The following OPA3 variants were observed in gnomAD, a reference collection of about 807,000 sequenced individuals.
OPA3 encodes outer mitochondrial membrane lipid metabolism regulator OPA3, also known as optic atrophy 3 protein.
A neutral mutation model predicts 4.0 loss-of-function variants in OPA3; 6 were observed. The ratio of observed to expected loss-of-function variants is 1.51; its 90% CI spans 0.83 to 2.99. OPA3 has a LOEUF of 2.99. OPA3 is among the 30% of genes most tolerant of loss of function. OPA3 has a pLI of 0.00. For synonymous variants in OPA3, 105 were observed against 117.1 expected (o/e 0.90, Z 0.67); for missense variants, 235 against 256.2 (o/e 0.92, Z 0.56).
intron 1 of OPA3, among the ~76,000 whole-genome samples, chr19:45,562,154 C>T (rs1599976135): frequency 6.6e-6 from 1 of 150,980 alleles, no homozygotes; most frequent in Non-Finnish European, 1.5e-5. Flanking sequence ...TCAAGACCAG[C>T]CTGGCCAACA....
rs1195485424 is a variant in OPA3, at chr19:45,548,824, G to A, written c.*4690C>T. On this transcript the variant is annotated 3_prime_UTR_variant, in exon 2 of 2. Transcript: ENST00000263275. ...TTATTTATTTATTTATTTATTTAGA[G>A]ATGAAGTCTCGCTCTGTCACCCAGG... The A allele has an allele frequency of 3.5e-5, 15 of 431,530 alleles. No homozygotes were observed. Among genetic ancestry groups the A allele is most frequent in the Non-Finnish European group, 4.2e-5 (15 of 360,196 alleles). 26.7% of individuals were successfully genotyped at this position (431,530 alleles called of 1,614,324 possible).
chr19:45,567,180 A>T (rs1969595166), intron 1 of OPA3, among the ~76,000 whole-genome samples: 1 of 151,892 alleles, frequency 6.6e-6, no homozygotes, highest in Non-Finnish European at 1.5e-5. Context: ...CTCTACAAAA[A>T]ATAAAATAAA....
chr19:45,529,349 GCAGCTCCGCGCC>G, exon 2 of OPA3: 1 of 1,614,224 alleles, frequency 6.2e-7, no homozygotes, highest in Non-Finnish European at 8.5e-7. Context: ...CCCTCGCCCA[GCAGCTCCGCGCC>G]CAGCTCGGCG....
chr19:45,542,786 G>A (rs779687252), downstream of OPA3, among the ~76,000 whole-genome samples: 1 of 148,096 alleles, frequency 6.8e-6, no homozygotes, highest in Admixed American at 6.9e-5. Flanking sequence ...TGATTCTCCT[G>A]CCTCAGCCTC....
chr19:45,544,795 A>AAAATAAATAAAT (rs200192671), downstream of OPA3, among the ~76,000 whole-genome samples: 7,172 of 140,640 alleles, frequency 0.051, 322 homozygotes, highest in East Asian at 0.18. Context: ...ACTCCGTCTC[A>AAAATAAATAAAT]AAATAAATAA....
intron 1 of OPA3, among the ~76,000 whole-genome samples, chr19:45,582,650 T>C (rs567719295): frequency 6.6e-6 from 1 of 152,126 alleles, no homozygotes; most frequent in Non-Finnish European, 1.5e-5. Context: ...AGCTGTCTTC[T>C]TGCGCTCAGT....
At position 45,551,054 on chromosome 19, in the gene OPA3, G is replaced by C. The variant is rs1794145456; in HGVS notation, c.*2460C>G. 10 of 626,802 alleles carry C rather than the reference G, an allele frequency of 1.6e-5. No individual in the cohort carries two copies. Among genetic ancestry groups the C allele is most frequent in the Non-Finnish European group, 2.0e-5 (10 of 502,604 alleles). The allele number at this position is 626,802 out of a possible 1,614,324, so 38.8% of individuals were successfully genotyped here. A position where few individuals can be genotyped will look rare whatever the true frequency, so the allele number is the denominator to read the frequency against. On this transcript the variant is annotated 3_prime_UTR_variant, in exon 2 of 2. Transcript: ENST00000263275. The stretch of plus-strand genomic sequence containing the variant: ...CGGCTCGCTGCAGCCTCGACCTCCA[G>C]GGCTCAGGTGATCCTCCTGCCTCAG...
chr19:45,566,210 C>T (rs1055803003), intron 1 of OPA3, among the ~76,000 whole-genome samples: 5 of 138,516 alleles, frequency 3.6e-5, no homozygotes, highest in African/African-American at 8.1e-5. Flanking sequence ...AGTGCAAAGG[C>T]GCAATCTCAG....
chr19:45,539,772 T>C (rs910742164), intron 1 of OPA3, among the ~76,000 whole-genome samples: 1 of 148,632 alleles, frequency 6.7e-6, no homozygotes, highest in South Asian at 2.1e-4. Context: ...AAAAAAGGAA[T>C]GAGATATTCA....
intron 1 of OPA3, among the ~76,000 whole-genome samples, chr19:45,562,565 T>C (rs1487095366): frequency 6.6e-6 from 1 of 151,314 alleles, no homozygotes; most frequent in African/African-American, 2.4e-5. Context: ...GGCGCACGCC[T>C]GTAATCTCAG....
intron 1 of OPA3, among the ~76,000 whole-genome samples, chr19:45,580,348 C>G (rs1372272751): frequency 8.1e-6 from 1 of 123,640 alleles, no homozygotes; most frequent in Non-Finnish European, 1.7e-5. Flanking sequence ...GGCTGGAGTG[C>G]AATGGCGTGA....
chr19:45,553,414 G>A lies in OPA3; in HGVS notation c.*100C>T, dbSNP rs1599963679. Reference sequence around the variant, plus strand: ...AAATGCCAAGTTGCATCAAGATCCTGGTGGTTTCCACTGGGCCAGCGCAGG... The same window carrying A: ...AAATGCCAAGTTGCATCAAGATCCTAGTGGTTTCCACTGGGCCAGCGCAGG... On this transcript the variant is annotated 3_prime_UTR_variant, in exon 2 of 2. Transcript: ENST00000263275. 6.3e-7 allele frequency: 1 copy of A among 1,597,186 alleles called. No individual in the cohort carries two copies. Among genetic ancestry groups the A allele is most frequent in the Non-Finnish European group, 8.5e-7 (1 of 1,178,316 alleles).
At chr19:45,533,247 G>A (rs558733769) in intron 1 of OPA3, among the ~76,000 whole-genome samples, 1 of 149,858 alleles carries the variant, frequency 6.7e-6, no homozygotes, top group East Asian at 2.0e-4. Context: ...CCAGGCTGGA[G>A]TGCAGTGGCG....
chr19:45,576,819 C>T (rs1481702446), intron 1 of OPA3, among the ~76,000 whole-genome samples: 1 of 152,186 alleles, frequency 6.6e-6, no homozygotes, highest in Non-Finnish European at 1.5e-5. Context: ...AGGATCATCT[C>T]CCCATCCCCA....
At chr19:45,540,303 C>T (rs965854733) in intron 1 of OPA3, among the ~76,000 whole-genome samples, 1 of 148,638 alleles carries the variant, frequency 6.7e-6, no homozygotes, top group Non-Finnish European at 1.5e-5. Flanking sequence ...GGTGCCAGAG[C>T]GAGACTCTGT....
chr19:45,544,657 G>T (rs556854612), downstream of OPA3, among the ~76,000 whole-genome samples: 2 of 152,290 alleles, frequency 1.3e-5, no homozygotes, highest in African/African-American at 4.8e-5. Context: ...AGCCGGGCGT[G>T]GTGGCACACA....
chr19:45,549,870 G>A lies in OPA3; in HGVS notation c.*3644C>T, dbSNP rs914226398. 4.7e-5 allele frequency: 46 copies of A among 985,292 alleles called. No individual in the cohort carries two copies. The highest frequency in any genetic ancestry group is 1.8e-5 in the Non-Finnish European group (15 of 830,102). 61.0% of individuals were successfully genotyped at this position (985,292 alleles called of 1,614,324 possible). On this transcript the variant is annotated 3_prime_UTR_variant, in exon 2 of 2. Transcript: ENST00000263275. ...CTCTTCCAGAAGGAACTGAAATGCT[G>A]TTTCAGGCCAGGCGCGGTGGCTCAC...
chr19:45,580,048 G>C (rs1037608648), intron 1 of OPA3, among the ~76,000 whole-genome samples: 14 of 149,052 alleles, frequency 9.4e-5, no homozygotes, highest in Non-Finnish European at 1.8e-4. Flanking sequence ...CCAGGCTGGA[G>C]TGTAGTGGCA....
At position 45,553,854 on chromosome 19, in the gene OPA3, A is replaced by C. The variant is rs1326070506; in HGVS notation, c.200T>G (p.Val67Gly). 6.2e-7 allele frequency: 1 copy of C among 1,612,042 alleles called. No homozygotes were observed. Among genetic ancestry groups the C allele is most frequent in the East Asian group, 2.2e-5 (1 of 44,808 alleles). The change falls in exon 2 of 2, where the codon GTC becomes GGC. Residue 67 changes from valine to glycine, a missense_variant. Physicochemically the swap from Val to Gly is moderately radical, Grantham distance 109 (BLOSUM62 -3). Transcript: ENST00000263275. ...CGCCTCCTCGTTCAGCGGCTTGATG[A>C]CCGTGCCCCGGAAGCCCATGATGCG... is the stretch of plus-strand genomic sequence containing the variant. ...KMRIMGFRGT[V>G]IKPLNEEAAA...
Sources: gnomAD v4.1 joint callset for allele counts (sites outside exome capture counted in the v4.1 genomes callset) on GRCh38, gnomAD v4.1.1 for gene constraint, MANE v1.5 for transcripts, NCBI Gene and HGNC (gene_info 2026-07-23, HGNC 2026-07-21) for gene names.